Variants in CHKA observed in about 807,000 individuals in gnomAD.
CHKA encodes CHETK-alpha.
Under a neutral mutation model 60.1 loss-of-function variants are expected in CHKA, and 34 were observed. The observed-to-expected ratio is 0.57, with a 90% CI of 0.43 to 0.75. CHKA has a LOEUF of 0.75. Ranked by LOEUF, CHKA falls within the 30% of genes least tolerant of loss-of-function variation. The pLI is 0.00. For synonymous variants in CHKA, 217 were observed against 223.1 expected (o/e 0.97, Z 0.24); for missense variants, 563 against 561.3 (o/e 1.00, Z -0.03).
intron 2 of CHKA, among the ~76,000 whole-genome samples, chr11:68,087,143 T>C (rs776356234): frequency 1.3e-5 from 2 of 151,910 alleles, no homozygotes; most frequent in Non-Finnish European, 2.9e-5. Context: ...GCAAAATAAA[T>C]TGGAAATGCT....
chr11:68,084,164 T>C (rs1041696798), intron 2 of CHKA, among the ~76,000 whole-genome samples: 1 of 150,662 alleles, frequency 6.6e-6, no homozygotes, highest in Non-Finnish European at 1.5e-5. Flanking sequence ...GGAGAATCGC[T>C]TGAATCCGGG....
intron 1 of CHKA, among the ~76,000 whole-genome samples, chr11:68,098,008 A>G (rs1857569835): frequency 6.6e-6 from 1 of 152,122 alleles, no homozygotes; most frequent in African/African-American, 2.4e-5. Context: ...GCAGTGGCTC[A>G]TGCCTGTAAT....
chr11:68,114,098 A>G (rs1858289423), intron 1 of CHKA, among the ~76,000 whole-genome samples: 1 of 152,216 alleles, frequency 6.6e-6, no homozygotes, highest in African/African-American at 2.4e-5. Context: ...ACATAGAATA[A>G]CAGGAAATCT....
intron 5 of CHKA, 47 bp from the exon 6 acceptor site, chr11:68,070,340 A>G (rs1377906082): frequency 7.6e-7 from 1 of 1,324,428 alleles, no homozygotes; most frequent in African/African-American, 1.5e-5. Flanking sequence ...ATCACCGATC[A>G]ATTCACCAAG....
chr11:68,056,883 C>G (rs1024513825), intron 11 of CHKA, among the ~76,000 whole-genome samples: 1 of 152,146 alleles, frequency 6.6e-6, no homozygotes, highest in Non-Finnish European at 1.5e-5. Context: ...TTACGTGTTT[C>G]CCTGAGTTCT....
At chr11:68,092,507 AGT>A (rs1857382443) in intron 2 of CHKA, among the ~76,000 whole-genome samples, 1 of 152,230 alleles carries the variant, frequency 6.6e-6, no homozygotes, top group Non-Finnish European at 1.5e-5. Flanking sequence ...TCCTCGGCAC[AGT>A]GTGTGGCAGC....
chr11:68,069,684 T>TAAA (rs750513064), intron 6 of CHKA, among the ~76,000 whole-genome samples: 1 of 96,484 alleles, frequency 1.0e-5, no homozygotes, highest in African/African-American at 4.1e-5. Flanking sequence ...CTCCGTCTTA[T>TAAA]AAAAAAAAAA....
chr11:68,079,589 C>A (rs1856909925), intron 3 of CHKA, among the ~76,000 whole-genome samples: 1 of 152,156 alleles, frequency 6.6e-6, no homozygotes, highest in Non-Finnish European at 1.5e-5. Flanking sequence ...CCTTGGCCTC[C>A]CAAAGTGCTA....
intron 10 of CHKA, among the ~76,000 whole-genome samples, 174 bp from the exon 11 acceptor site, chr11:68,062,208 C>T (rs1015743364): frequency 6.6e-6 from 1 of 152,236 alleles, no homozygotes; most frequent in Non-Finnish European, 1.5e-5. Flanking sequence ...GGGAATACCA[C>T]TCCCACACCC....
chr11:68,066,526 G>C lies in CHKA; in HGVS notation c.929-10C>G, dbSNP rs763445425. ...AGCAACAAGATATTACCTGCAAAAG[G>C]TTTGGATAACATGGTTTATGTTTTA... On this transcript the variant is annotated splice_polypyrimidine_tract_variant and intron_variant, in intron 7 of 11. Transcript: ENST00000265689. 1.2e-6 allele frequency: 2 copies of C among 1,608,118 alleles called. No individual in the cohort carries two copies. The highest frequency in any genetic ancestry group is 1.7e-5 in the Admixed American group (1 of 60,006).
chr11:68,088,751 T>C (rs1033320624), intron 2 of CHKA, among the ~76,000 whole-genome samples: 1 of 152,162 alleles, frequency 6.6e-6, no homozygotes, highest in Non-Finnish European at 1.5e-5. Flanking sequence ...TATGGTTTCT[T>C]ACAGCATTCT....
Position 68,121,189 on chromosome 11 carries a change from G to T in CHKA, c.-12C>A. On this transcript the variant is annotated 5_prime_UTR_variant, in exon 1 of 12. Transcript: ENST00000265689. ...AATTTGGTTTTCATGCCCGACAGGC[G>T]GCCGAGGAGGCGCGGGCGGCCGCAG... 1 of 1,166,466 alleles carries T rather than the reference G, an allele frequency of 8.6e-7. No homozygotes were observed. 72.3% of individuals were successfully genotyped at this position (1,166,466 alleles called of 1,614,324 possible).
intron 2 of CHKA, among the ~76,000 whole-genome samples, chr11:68,083,764 G>A (rs1393192556): frequency 6.6e-6 from 1 of 152,096 alleles, no homozygotes; most frequent in African/African-American, 2.4e-5. Flanking sequence ...TATACCATAA[G>A]AGCACCATTA....
chr11:68,115,252 G>A (rs1858338594), intron 1 of CHKA, among the ~76,000 whole-genome samples: 1 of 152,158 alleles, frequency 6.6e-6, no homozygotes, highest in Non-Finnish European at 1.5e-5. Flanking sequence ...AATTTATGAT[G>A]GTTTATCAGG....
intron 1 of CHKA, among the ~76,000 whole-genome samples, chr11:68,116,678 T>C (rs1474932603): frequency 6.6e-6 from 1 of 151,584 alleles, no homozygotes; most frequent in Non-Finnish European, 1.5e-5. Flanking sequence ...GATCGCGCCA[T>C]TGTGCTCCCG....
chr11:68,074,871 T>C (rs776648051), intron 3 of CHKA, 41 bp from the exon 4 acceptor site: 3 of 1,595,324 alleles, frequency 1.9e-6, no homozygotes, highest in African/African-American at 2.7e-5. Flanking sequence ...ACTGAGTGTT[T>C]GCTAAGCGCC....
chr11:68,098,217 G>A (rs1479683501), intron 1 of CHKA, among the ~76,000 whole-genome samples: 1 of 145,454 alleles, frequency 6.9e-6, no homozygotes, highest in East Asian at 2.0e-4. Flanking sequence ...GTTGCAGTGA[G>A]CCGTTATCGC....
Position 68,113,159 on chromosome 11 carries a change from G to C in CHKA, c.350+7669C>G, listed in dbSNP as rs78747784. ...AACAATTAAATTAAAATTTTAAAAT[G>C]GGCAAGAAGCTCTGTGGCATGCCCC... On this transcript the variant is annotated intron_variant, in intron 1 of 11. Coordinates refer to ENST00000265689, the MANE Select transcript of CHKA (RefSeq NM_001277.3). 1.0e-3 allele frequency among the ~76,000 whole-genome samples: 149 copies of C among 143,150 alleles called. 4 individuals are homozygous for C. In the East Asian group the frequency reaches 0.029, roughly 27 times the overall value. The allele number at this position is 143,150 out of a possible 152,430, so 93.9% of individuals were successfully genotyped here. A position where few individuals can be genotyped will look rare whatever the true frequency, so the allele number is the denominator to read the frequency against.
intron 1 of CHKA, among the ~76,000 whole-genome samples, chr11:68,104,259 C>A (rs1011637539): frequency 6.6e-6 from 1 of 152,082 alleles, no homozygotes; most frequent in Non-Finnish European, 1.5e-5. Context: ...ACAATGTGAT[C>A]TCACTTGTGT....
Sources: gnomAD v4.1 joint callset for allele counts (sites outside exome capture counted in the v4.1 genomes callset) on GRCh38, gnomAD v4.1.1 for gene constraint, MANE v1.5 for transcripts, NCBI Gene and HGNC (gene_info 2026-07-23, HGNC 2026-07-21) for gene names.